RBAK: variants seen among roughly 807,000 people sequenced by gnomAD.
The protein encoded by RBAK is RB-associated KRAB zinc finger protein.
Under a neutral mutation model 65.8 loss-of-function variants are expected in RBAK, and 39 were observed. The observed-to-expected ratio is 0.59, with a 90% CI of 0.46 to 0.77. The LOEUF (loss-of-function observed/expected upper bound fraction) is 0.77. Ranked by LOEUF, RBAK falls within the 30% of genes least tolerant of loss-of-function variation. The probability of loss-of-function intolerance (pLI) is 0.00; values close to 1 mark genes in which losing one functional copy is unlikely to be tolerated. For synonymous variants in RBAK, 343 were observed against 289.7 expected (o/e 1.18, Z -1.87); for missense variants, 884 against 855.1 (o/e 1.03, Z -0.42).
chr7:5,050,800 C>G (rs2115027382), intron 2 of RBAK, among the ~76,000 whole-genome samples: 1 of 152,276 alleles, frequency 6.6e-6, no homozygotes, highest in East Asian at 1.9e-4. Context: ...TCTTGAACTC[C>G]TGGGCTCAAG....
Position 5,048,399 on chromosome 7 carries a change from C to G in RBAK, c.15+308C>G, listed in dbSNP as rs1032812097. Among the ~76,000 whole-genome samples, 13 of 152,170 alleles carry G rather than the reference C, an allele frequency of 8.5e-5. No individual in the cohort carries two copies. Among genetic ancestry groups the G allele is most frequent in the African/African-American group, 2.7e-4 (11 of 41,428 alleles). On this transcript the variant is annotated intron_variant, in intron 2 of 4. Transcript: ENST00000396912. This position sits in a 1 kb window ranked among gnomAD's most constrained non-coding sequence, Gnocchi z 4.4. ...ATGTTGGCCAGGCTGGTCTCAAACTCCTGACCTCAGGTGATCCTCCTGCCT... is the reference window on the plus strand; with the variant it reads ...ATGTTGGCCAGGCTGGTCTCAAACTGCTGACCTCAGGTGATCCTCCTGCCT...
At chr7:5,049,651 T>G (rs1026890632) in intron 2 of RBAK, among the ~76,000 whole-genome samples, 5 of 152,204 alleles carry the variant, frequency 3.3e-5, no homozygotes, top group African/African-American at 1.2e-4. Context: ...TCTTGGCTTT[T>G]AAAAAGATTC....
chr7:5,058,628 G>A (rs1778989393), intron 4 of RBAK, among the ~76,000 whole-genome samples: 1 of 152,108 alleles, frequency 6.6e-6, no homozygotes, highest in Non-Finnish European at 1.5e-5. Context: ...TTGATGTGAC[G>A]CTATAGCACT....
At chr7:5,050,465 T>G (rs1022787191) in intron 2 of RBAK, among the ~76,000 whole-genome samples, 1 of 152,252 alleles carries the variant, frequency 6.6e-6, no homozygotes, top group African/African-American at 2.4e-5. Flanking sequence ...TTTGTTTTTG[T>G]GAACTTAAGA....
intron 4 of RBAK, among the ~76,000 whole-genome samples, chr7:5,060,975 T>G (rs567436539): frequency 6.6e-6 from 1 of 152,206 alleles, no homozygotes; most frequent in Non-Finnish European, 1.5e-5. Context: ...GAATCTGAGA[T>G]ATAAGATTTT....
intron 2 of RBAK, among the ~76,000 whole-genome samples, chr7:5,049,971 G>A (rs1332554076): frequency 4.6e-5 from 7 of 151,994 alleles, no homozygotes; most frequent in South Asian, 2.1e-4. Flanking sequence ...TGCCCGCCTC[G>A]GCCTCCCAAA....
intron 1 of RBAK, among the ~76,000 whole-genome samples, chr7:5,047,348 G>A (rs2115022177): frequency 6.6e-6 from 1 of 152,274 alleles, no homozygotes; most frequent in East Asian, 1.9e-4. Context: ...GCAGTGAGCT[G>A]TGAATGCACC....
At chr7:5,047,919 G>A (rs1430184071) in intron 1 of RBAK, 114 bp from the exon 2 acceptor site, 2 of 541,042 alleles carry the variant, frequency 3.7e-6, no homozygotes, top group Admixed American at 6.6e-5. Context: ...TGCAGGCTGA[G>A]TGTTCACAGG....
At chr7:5,063,343 T>C (rs1053516983) in intron 4 of RBAK, among the ~76,000 whole-genome samples, 53 of 152,330 alleles carry the variant, frequency 3.5e-4, no homozygotes, top group African/African-American at 1.2e-3. Context: ...ACCACTTCTC[T>C]GCTCATCATT....
In RBAK at chr7:5,068,783, A is replaced by C. The variant is rs1184276317; in HGVS notation, c.*3182A>C. On this transcript the variant is annotated 3_prime_UTR_variant, in exon 5 of 5. Coordinates refer to ENST00000396912, the MANE Select transcript of RBAK (RefSeq NM_021163.4). ...ACAAAACAGAACTATCTTAAGGCACATGTGCAATGGAATGAATAAAGAAGT... is the reference window on the plus strand; with the variant it reads ...ACAAAACAGAACTATCTTAAGGCACCTGTGCAATGGAATGAATAAAGAAGT... 6.6e-6 allele frequency: 1 copy of C among 152,238 alleles called. No homozygotes were observed. The highest frequency in any genetic ancestry group is 1.5e-5 in the Non-Finnish European group (1 of 68,044). 9.4% of individuals were successfully genotyped at this position (152,238 alleles called of 1,614,324 possible).
At chr7:5,062,341 G>T (rs1301338459) in intron 4 of RBAK, among the ~76,000 whole-genome samples, 3 of 152,118 alleles carry the variant, frequency 2.0e-5, no homozygotes, top group African/African-American at 7.2e-5. Context: ...CTGGGCGTCC[G>T]GGGGAGACAT....
chr7:5,061,462 T>C (rs1427253893), intron 4 of RBAK, among the ~76,000 whole-genome samples: 1 of 150,696 alleles, frequency 6.6e-6, no homozygotes, highest in Non-Finnish European at 1.5e-5. Flanking sequence ...TCTTTTTTTT[T>C]TTTTTTTATA....
At chr7:5,056,687 T>C (rs10238244) in intron 2 of RBAK, among the ~76,000 whole-genome samples, 80,703 of 151,948 alleles carry the variant, frequency 0.53, 21,565 homozygotes, top group East Asian at 0.65. Flanking sequence ...AAGATTGAGA[T>C]GTTTGAGATA....
chr7:5,055,856 C>T (rs1404011692), intron 2 of RBAK, among the ~76,000 whole-genome samples: 2 of 152,148 alleles, frequency 1.3e-5, no homozygotes, highest in Non-Finnish European at 2.9e-5. Context: ...TTTAGTTTCT[C>T]AGCCCACAGC....
At chr7:5,062,554 A>C (rs1357109484) in intron 4 of RBAK, among the ~76,000 whole-genome samples, 10 of 152,214 alleles carry the variant, frequency 6.6e-5, no homozygotes, top group Non-Finnish European at 1.5e-4. Flanking sequence ...AAAATTGCTA[A>C]TGAAGTTTCA....
chr7:5,046,295 G>A lies in RBAK; in HGVS notation c.-146G>A, dbSNP rs1787980341. ...CTCGGGAGCAGAACAACCTTAGTGA[G>A]GTGGACAGGAGGGGACCTCGCGAGC... On this transcript the variant is annotated 5_prime_UTR_variant, in exon 1 of 5. Coordinates refer to ENST00000396912, the MANE Select transcript of RBAK (RefSeq NM_021163.4). 3.9e-6 allele frequency: 2 copies of A among 516,442 alleles called. No homozygotes were observed. The highest frequency in any genetic ancestry group is 1.4e-5 in the South Asian group (1 of 71,446). 32.0% of individuals were successfully genotyped at this position (516,442 alleles called of 1,614,324 possible). A position where few individuals can be genotyped will look rare whatever the true frequency, so the allele number is the denominator to read the frequency against.
chr7:5,046,790 C>T (rs1307046292), intron 1 of RBAK, among the ~76,000 whole-genome samples: 1 of 152,164 alleles, frequency 6.6e-6, no homozygotes, highest in African/African-American at 2.4e-5. Flanking sequence ...CAGGAACAGT[C>T]TGCAGGGATT....
Position 5,064,327 on chromosome 7 carries a change from TGTAATG to T in RBAK, c.872_877del (p.Cys291_Val293delinsLeu). On this transcript the variant is annotated inframe_deletion, in exon 5 of 5. Coordinates refer to ENST00000396912, the MANE Select transcript of RBAK (RefSeq NM_021163.4). The surrounding 1 kb of genome is among the most constrained non-coding windows in gnomAD (Gnocchi z 6.3). The stretch of plus-strand genomic sequence containing the variant: ...TCACACAGGAGAGAAACCTTATGAA[TGTAATG>T]TATGTGGGAAATCCTTCAGCCAAAA... 1 of 1,614,136 alleles carries T rather than the reference TGTAATG, an allele frequency of 6.2e-7. No individual in the cohort carries two copies. The highest frequency in any genetic ancestry group is 8.5e-7 in the Non-Finnish European group (1 of 1,180,000).
intron 4 of RBAK, among the ~76,000 whole-genome samples, chr7:5,062,700 T>C (rs1779106215): frequency 6.6e-6 from 1 of 152,182 alleles, no homozygotes. Flanking sequence ...ATTTATTTCA[T>C]CCTTACAGTC....
Sources: allele counts gnomAD v4.1 joint callset (sites outside exome capture counted in the v4.1 genomes callset), GRCh38; gene constraint gnomAD v4.1.1; non-coding constraint Gnocchi (gnomAD v3.1); transcripts MANE v1.5; gene names NCBI Gene and HGNC (gene_info 2026-07-23, HGNC 2026-07-21).